RCL1: variants seen among roughly 807,000 people sequenced by gnomAD.
The protein encoded by RCL1 is RNA terminal phosphate cyclase like 1.
In RCL1, 24 loss-of-function variants were observed where a neutral mutation model predicts 42.4. The ratio of observed to expected loss-of-function variants is 0.57; its 90% CI spans 0.41 to 0.80. The LOEUF (loss-of-function observed/expected upper bound fraction) is 0.80, where lower values mean the gene tolerates loss of function less well. RCL1 is among the 30% of genes least tolerant of loss of function. The probability of loss-of-function intolerance (pLI) is 0.00; values close to 1 mark genes in which losing one functional copy is unlikely to be tolerated. For synonymous variants in RCL1, 228 were observed against 177.3 expected (o/e 1.29, Z -2.27); for missense variants, 578 against 467.9 (o/e 1.24, Z -2.17).
In RCL1 at chr9:4,851,983, G is replaced by A. The variant is rs564551658; in HGVS notation, c.971+2433G>A. 5.6e-4 allele frequency among the ~76,000 whole-genome samples: 84 copies of A among 150,912 alleles called. 1 individual carries two copies. In the South Asian group the frequency reaches 0.017, roughly 30 times the overall value. On this transcript the variant is annotated intron_variant, in intron 8 of 8. Transcript: ENST00000381750. ...GCAAGCTCCGCCTCCCGGGTTCAAC[G>A]CCATTCTCCTACCTCAGCCTCCCGA...
intron 1 of RCL1, among the ~76,000 whole-genome samples, chr9:4,810,391 G>A (rs1053335999): frequency 2.0e-4 from 31 of 152,166 alleles, no homozygotes; most frequent in Admixed American, 1.0e-3. Flanking sequence ...CATGGATTAG[G>A]TTTCTAAAAT....
chr9:4,855,766 C>T (rs1817938846), intron 8 of RCL1, among the ~76,000 whole-genome samples: 1 of 152,058 alleles, frequency 6.6e-6, no homozygotes, highest in Non-Finnish European at 1.5e-5. Context: ...CACAGTCTTC[C>T]TTGGACAGGC....
chr9:4,853,363 C>G (rs908914683), intron 8 of RCL1, among the ~76,000 whole-genome samples: 1 of 151,164 alleles, frequency 6.6e-6, no homozygotes, highest in Non-Finnish European at 1.5e-5. Flanking sequence ...TCCTCTGTCG[C>G]CCAGGCTGAG....
At chr9:4,817,473 T>C (rs914787363) in intron 1 of RCL1, among the ~76,000 whole-genome samples, 1 of 148,424 alleles carries the variant, frequency 6.7e-6, no homozygotes, top group African/African-American at 2.5e-5. Flanking sequence ...TTTTTAATCT[T>C]TTTTTTTTTT....
chr9:4,852,274 G>C (rs1290870485), intron 8 of RCL1, among the ~76,000 whole-genome samples: 2 of 152,156 alleles, frequency 1.3e-5, no homozygotes, highest in Non-Finnish European at 2.9e-5. Flanking sequence ...TTCTATTTCT[G>C]TTAAATTTGT....
intron 3 of RCL1, among the ~76,000 whole-genome samples, chr9:4,830,864 C>T (rs1185860619): frequency 6.6e-6 from 1 of 152,100 alleles, no homozygotes; most frequent in Non-Finnish European, 1.5e-5. Flanking sequence ...AATGGTAATA[C>T]CTTTGCCCTG....
intron 7 of RCL1, among the ~76,000 whole-genome samples, chr9:4,847,992 C>A (rs1475389695): frequency 1.3e-5 from 2 of 152,162 alleles, no homozygotes; most frequent in Admixed American, 6.5e-5. Context: ...GGGTGATAGC[C>A]CCTACCACTT....
chr9:4,858,607 G>C (rs991367730), intron 8 of RCL1, among the ~76,000 whole-genome samples: 5 of 152,146 alleles, frequency 3.3e-5, no homozygotes, highest in Non-Finnish European at 5.9e-5. Context: ...AGCATCATTT[G>C]TTGCAATGAT....
chr9:4,817,912 A>ATT (rs66886360), intron 1 of RCL1, among the ~76,000 whole-genome samples: 19,336 of 76,022 alleles, frequency 0.25, 2,636 homozygotes, highest in East Asian at 0.52. Context: ...CTTTTCTAAG[A>ATT]TTTTTTTTTT....
intron 1 of RCL1, among the ~76,000 whole-genome samples, chr9:4,801,605 A>G (rs1291312571): frequency 6.6e-6 from 1 of 151,698 alleles, no homozygotes; most frequent in Non-Finnish European, 1.5e-5. Context: ...AGAGGAAAAT[A>G]TTTTAATTTT....
chr9:4,838,282 A>C (rs1817204403), intron 5 of RCL1, among the ~76,000 whole-genome samples: 1 of 152,210 alleles, frequency 6.6e-6, no homozygotes, highest in Non-Finnish European at 1.5e-5. Flanking sequence ...ATGACCTACC[A>C]GCCAGGGCCC....
In RCL1 at chr9:4,860,937, C is replaced by T. The variant is rs540978809; in HGVS notation, c.*662C>T. On this transcript the variant is annotated 3_prime_UTR_variant, in exon 9 of 9. Transcript: ENST00000381750. ...GGGATGTTTTTATATTCCAGGTGTG[C>T]TGTACATTCTTATTTTATTTTCACA... 8 of 152,210 alleles carry T rather than the reference C, an allele frequency of 5.3e-5. No homozygotes were observed. Among genetic ancestry groups the T allele is most frequent in the East Asian group, 1.9e-4 (1 of 5,176 alleles). The allele number at this position is 152,210 out of a possible 1,614,324, so 9.4% of individuals were successfully genotyped here.
intron 1 of RCL1, among the ~76,000 whole-genome samples, chr9:4,819,364 T>C (rs1816503887): frequency 6.6e-6 from 1 of 152,252 alleles, no homozygotes; most frequent in African/African-American, 2.4e-5. Context: ...TGGAGAGTGC[T>C]GGTTTAGAGA....
rs763085085 is a variant in RCL1 at position 4,826,870 on chromosome 9, A to G, written c.221A>G (p.Tyr74Cys). 2 of 1,612,838 alleles carry G rather than the reference A, an allele frequency of 1.2e-6. No homozygotes were observed. Among genetic ancestry groups the G allele is most frequent in the South Asian group, 1.1e-5 (1 of 90,766 alleles). Residue 74 changes from tyrosine (Y) to cysteine (C), a missense_variant, in exon 3 of 9, where the codon TAT becomes TGT. Transcript: ENST00000381750. ...IEINQTGTTL[Y>C]YQPGLLYGGS... ...CTTCTGGTTTAAGGAACAACCTTAT[A>G]TTATCAGCCTGGCCTCCTGTATGGT...
At chr9:4,842,966 C>T (rs781654137) in intron 6 of RCL1, among the ~76,000 whole-genome samples, 1 of 152,076 alleles carries the variant, frequency 6.6e-6, no homozygotes, top group East Asian at 1.9e-4. Context: ...CTCAGCTGAC[C>T]CTAGAGTGTG....
intron 1 of RCL1, among the ~76,000 whole-genome samples, chr9:4,811,377 C>T (rs1816169119): frequency 6.6e-6 from 1 of 151,820 alleles, no homozygotes; most frequent in African/African-American, 2.4e-5. Context: ...TTTCTCTTAT[C>T]TACCTGTACT....
chr9:4,801,364 G>A (rs1355018986), intron 1 of RCL1, among the ~76,000 whole-genome samples: 1 of 152,162 alleles, frequency 6.6e-6, no homozygotes, highest in Non-Finnish European at 1.5e-5. Flanking sequence ...TAGAGATGGA[G>A]TCTCGCTATG....
chr9:4,819,676 AC>A (rs1475532311), intron 1 of RCL1, among the ~76,000 whole-genome samples: 2 of 152,138 alleles, frequency 1.3e-5, no homozygotes, highest in African/African-American at 4.8e-5. Flanking sequence ...GCGTGGTGGC[AC>A]GCGCCTGTAG....
chr9:4,857,980 G>C (rs1264312517), intron 8 of RCL1, among the ~76,000 whole-genome samples: 4 of 125,332 alleles, frequency 3.2e-5, no homozygotes, highest in African/African-American at 6.1e-5. Flanking sequence ...GCCCAGGTGG[G>C]AGTGCAGTGG....
Sources: gnomAD v4.1 joint callset for allele counts (sites outside exome capture counted in the v4.1 genomes callset) on GRCh38, gnomAD v4.1.1 for gene constraint, MANE v1.5 for transcripts, NCBI Gene and HGNC (gene_info 2026-07-23, HGNC 2026-07-21) for gene names.